The following PLXNA4 variants were observed in gnomAD, a reference collection of about 807,000 sequenced individuals.
PLXNA4 encodes the protein plexin A4.
A neutral mutation model predicts 191.8 loss-of-function variants in PLXNA4; 44 were observed. The ratio of observed to expected loss-of-function variants is 0.23; its 90% confidence interval spans 0.18 to 0.29. The LOEUF is 0.29. Ranked by LOEUF, PLXNA4 falls within the 10% of genes least tolerant of loss-of-function variation. PLXNA4 has a pLI of 1.00. For missense variants in PLXNA4, 1,800 were observed against 2,488.8 expected (o/e 0.72, Z 5.89); for synonymous variants, 1,082 against 1,009.5 (o/e 1.07, Z -1.36).
chr7:132,287,044 T>C (rs576563217), intron 4 of PLXNA4, among the ~76,000 whole-genome samples: 1 of 152,284 alleles, frequency 6.6e-6, no homozygotes, highest in South Asian at 2.1e-4. Flanking sequence ...TTTTTGTTTG[T>C]TTGTTTTGGA....
intron 4 of PLXNA4, among the ~76,000 whole-genome samples, chr7:132,293,352 T>C (rs2116473879): frequency 6.6e-6 from 1 of 152,256 alleles, no homozygotes; most frequent in South Asian, 2.1e-4. Flanking sequence ...CAATCACATC[T>C]TACATGGCGG....
intron 1 of PLXNA4, among the ~76,000 whole-genome samples, chr7:132,555,663 T>G (rs1364149061): frequency 1.3e-5 from 2 of 152,236 alleles, no homozygotes; most frequent in African/African-American, 4.8e-5. Context: ...ACAGGTAACA[T>G]GCTGACGCCA....
At chr7:132,234,543 T>C (rs1329033648) in intron 5 of PLXNA4, among the ~76,000 whole-genome samples, 3 of 151,890 alleles carry the variant, frequency 2.0e-5, no homozygotes, top group East Asian at 1.9e-4. Context: ...TTCTAATTTA[T>C]ATGGGAAGAT....
chr7:132,307,149 C>T (rs1483173693), intron 3 of PLXNA4, among the ~76,000 whole-genome samples: 2 of 152,116 alleles, frequency 1.3e-5, no homozygotes. Context: ...CTGCCAATAT[C>T]CCTACAACCC....
rs966895030 is a variant in PLXNA4, at chr7:132,613,248, C to T, written c.-87+32680G>A. Among the ~76,000 whole-genome samples the T allele has an allele frequency of 4.5e-4, 69 of 152,122 alleles. 2 individuals carry two copies. The highest frequency in any genetic ancestry group is 4.6e-4 in the Admixed American group (7 of 15,274). On this transcript the variant is annotated intron_variant, in intron 2 of 4. Transcript: ENST00000378539. ...GGATCTTCTCGCATCACATTCTCAGCCTGGGCCTCCTCTCCTCTGCTCTGT... is the reference window on the plus strand; with the variant it reads ...GGATCTTCTCGCATCACATTCTCAGTCTGGGCCTCCTCTCCTCTGCTCTGT...
chr7:132,139,574 G>A (rs1180377014), intron 30 of PLXNA4, among the ~76,000 whole-genome samples: 2 of 152,206 alleles, frequency 1.3e-5, no homozygotes, highest in Non-Finnish European at 2.9e-5. Context: ...TGAGCTGGGG[G>A]TGACAAAGCC....
At chr7:132,480,185 A>T (rs374047302) in intron 3 of PLXNA4, among the ~76,000 whole-genome samples, 4 of 152,344 alleles carry the variant, frequency 2.6e-5, no homozygotes, top group South Asian at 4.1e-4. Context: ...TTAAAAGTAC[A>T]ATACTACAGA....
At chr7:132,604,664 A>G (rs1421142992) in intron 2 of PLXNA4, among the ~76,000 whole-genome samples, 3 of 151,844 alleles carry the variant, frequency 2.0e-5, no homozygotes, top group African/African-American at 7.3e-5. Context: ...CTGACTTGAT[A>G]TAATTACTTA....
At chr7:132,425,292 C>T (rs1795001215) in intron 3 of PLXNA4, among the ~76,000 whole-genome samples, 1 of 151,710 alleles carries the variant, frequency 6.6e-6, no homozygotes, top group Non-Finnish European at 1.5e-5. Flanking sequence ...TAAAGGAAAG[C>T]TTTAAAAAAA....
intron 14 of PLXNA4, 133 bp downstream of exon 14, chr7:132,193,929 C>G (rs769469541): frequency 1.7e-6 from 2 of 1,179,244 alleles, no homozygotes; most frequent in African/African-American, 3.1e-5. Context: ...AGACAGGAGT[C>G]TCATGAACTG....
intron 3 of PLXNA4, among the ~76,000 whole-genome samples, chr7:132,307,195 T>C (rs1801557438): frequency 6.6e-6 from 1 of 152,096 alleles, no homozygotes; most frequent in Non-Finnish European, 1.5e-5. Context: ...ACTGCACTCA[T>C]AGAAGCACCT....
At chr7:132,481,914 CT>C (rs1797353849) in intron 3 of PLXNA4, among the ~76,000 whole-genome samples, 1 of 152,218 alleles carries the variant, frequency 6.6e-6, no homozygotes, top group African/African-American at 2.4e-5. Context: ...TCACAGCCTC[CT>C]GTTTATCCTC....
At chr7:132,331,479 T>A (rs1802588245) in intron 3 of PLXNA4, among the ~76,000 whole-genome samples, 1 of 152,188 alleles carries the variant, frequency 6.6e-6, no homozygotes, top group Non-Finnish European at 1.5e-5. Context: ...ACCTGGGGCA[T>A]CAGGTCTGAG....
intron 2 of PLXNA4, among the ~76,000 whole-genome samples, chr7:132,492,331 C>T (rs1797841272): frequency 6.6e-6 from 1 of 152,144 alleles, no homozygotes; most frequent in East Asian, 1.9e-4. Flanking sequence ...CTTGGCTGGG[C>T]ACGACAGAAG....
upstream of PLXNA4, chr7:132,576,522 T>G (rs1802246566): frequency 1.0e-6 from 1 of 985,742 alleles, no homozygotes. This position sits in a 1 kb window ranked among gnomAD's most constrained non-coding sequence, Gnocchi z 5.8. Flanking sequence ...CGTGTGCGTG[T>G]GCGCGCGTGT....
intron 2 of PLXNA4, among the ~76,000 whole-genome samples, chr7:132,631,471 T>G (rs1803489141): frequency 6.6e-6 from 1 of 151,882 alleles, no homozygotes; most frequent in African/African-American, 2.4e-5. Context: ...GGATGGGGAG[T>G]AGGGAGATAG....
chr7:132,593,374 C>T (rs1802640534), intron 2 of PLXNA4, among the ~76,000 whole-genome samples: 2 of 152,176 alleles, frequency 1.3e-5, no homozygotes, highest in African/African-American at 4.8e-5. Flanking sequence ...TGTCCTGGCT[C>T]ATCCTAAAAT....
Position 132,227,623 on chromosome 7 carries a change from G to T in PLXNA4, c.1729-19C>A, listed in dbSNP as rs370402240. On this transcript the variant is annotated intron_variant, in intron 6 of 31. Transcript: ENST00000321063. ...GGACCAGCTGTGAACAGCCAGGCGG[G>T]GGGAGAGAAGGAGGAGGGTGAAATG... The T allele has an allele frequency of 3.7e-6, 6 of 1,613,900 alleles. No homozygotes were observed. Among genetic ancestry groups the T allele is most frequent in the Non-Finnish European group, 3.4e-6 (4 of 1,179,918 alleles).
At chr7:132,612,525 G>A (rs559276251) in intron 2 of PLXNA4, among the ~76,000 whole-genome samples, 7 of 152,082 alleles carry the variant, frequency 4.6e-5, no homozygotes, top group South Asian at 4.2e-4. Flanking sequence ...GCAGCTAGGC[G>A]TGGTGGTGCA....
Sources: allele counts gnomAD v4.1 joint callset (sites outside exome capture counted in the v4.1 genomes callset), GRCh38; gene constraint gnomAD v4.1.1; non-coding constraint Gnocchi (gnomAD v3.1); transcripts MANE v1.5; gene names NCBI Gene and HGNC (gene_info 2026-07-23, HGNC 2026-07-21).